SNCAIP: variants seen among roughly 807,000 people sequenced by gnomAD.
The protein encoded by SNCAIP is synphilin-1.
A neutral mutation model predicts 86.7 loss-of-function variants in SNCAIP; 43 were observed. The ratio of observed to expected loss-of-function variants is 0.50; its 90% CI spans 0.39 to 0.64. The LOEUF is 0.64. Among genes scored for constraint, SNCAIP ranks in the 30% least tolerant of loss-of-function variants. The pLI, the probability that SNCAIP is intolerant of heterozygous loss-of-function variation, is 0.00. For missense variants in SNCAIP, 981 were observed against 1,103.1 expected (o/e 0.89, Z 1.57); for synonymous variants, 417 against 427.2 (o/e 0.98, Z 0.29).
At chr5:122,342,831 G>T (rs750616782) in intron 1 of SNCAIP, among the ~76,000 whole-genome samples, 1 of 152,206 alleles carries the variant, frequency 6.6e-6, no homozygotes, top group Non-Finnish European at 1.5e-5. Context: ...CATGGTGACA[G>T]TGGGATAAGA....
chr5:122,384,321 G>T (rs1470847043), intron 1 of SNCAIP, among the ~76,000 whole-genome samples: 1 of 152,118 alleles, frequency 6.6e-6, no homozygotes, highest in Non-Finnish European at 1.5e-5. Context: ...ACAAATTATG[G>T]TGCATACCTT....
chr5:122,433,984 T>C (rs1302006832), intron 6 of SNCAIP, among the ~76,000 whole-genome samples: 3 of 152,182 alleles, frequency 2.0e-5, no homozygotes, highest in African/African-American at 7.2e-5. Context: ...CTATAGTGTA[T>C]TAAGTGCATT....
chr5:122,371,089 G>A (rs1013653457), intron 1 of SNCAIP, among the ~76,000 whole-genome samples: 8 of 152,058 alleles, frequency 5.3e-5, no homozygotes, highest in Non-Finnish European at 1.2e-4. Flanking sequence ...TGAGGCAGGA[G>A]GATCACTTGA....
At chr5:122,405,294 A>G (rs1772733586) in intron 3 of SNCAIP, among the ~76,000 whole-genome samples, 1 of 152,224 alleles carries the variant, frequency 6.6e-6, no homozygotes, top group South Asian at 2.1e-4. Context: ...TAGGATCAAA[A>G]TTAGGTGATG....
At chr5:122,336,336 A>G (rs553670861) in intron 1 of SNCAIP, among the ~76,000 whole-genome samples, 95 of 152,306 alleles carry the variant, frequency 6.2e-4, no homozygotes, top group African/African-American at 2.3e-3. Context: ...GCTAATAAAT[A>G]GAATCAGAGG....
chr5:122,409,592 A>G, intron 3 of SNCAIP, among the ~76,000 whole-genome samples: 1 of 152,268 alleles, frequency 6.6e-6, no homozygotes, highest in East Asian at 1.9e-4. Context: ...GTAAGGAAAC[A>G]GTACTTTTTA....
At chr5:122,408,690 CA>C (rs1464457843) in intron 3 of SNCAIP, among the ~76,000 whole-genome samples, 5 of 152,126 alleles carry the variant, frequency 3.3e-5, no homozygotes. Context: ...GGAGATGCCA[CA>C]AGGTGGGAAG....
chr5:122,435,459 G>T (rs190462648), intron 6 of SNCAIP, among the ~76,000 whole-genome samples: 1 of 152,242 alleles, frequency 6.6e-6, no homozygotes, highest in African/African-American at 2.4e-5. Flanking sequence ...GCTCTGCGCT[G>T]GTTATTAGTC....
chr5:122,381,875 TC>T (rs1766905511), intron 1 of SNCAIP, among the ~76,000 whole-genome samples: 1 of 152,172 alleles, frequency 6.6e-6, no homozygotes, highest in Non-Finnish European at 1.5e-5. Flanking sequence ...TGGCCCCCAC[TC>T]TCTTCTGGCT....
chr5:122,313,510 A>C (rs982234398), intron 1 of SNCAIP, among the ~76,000 whole-genome samples: 1 of 152,360 alleles, frequency 6.6e-6, no homozygotes, highest in Non-Finnish European at 1.5e-5. Flanking sequence ...GAAGGGAAAA[A>C]CCTATTTTTC....
intron 1 of SNCAIP, among the ~76,000 whole-genome samples, chr5:122,387,478 G>C (rs951110457): frequency 7.2e-5 from 11 of 152,172 alleles, no homozygotes; most frequent in African/African-American, 2.7e-4. Flanking sequence ...AAGCTGGCCT[G>C]CCCTTTCTGG....
intron 1 of SNCAIP, among the ~76,000 whole-genome samples, chr5:122,374,181 G>T (rs979872760): frequency 3.9e-5 from 6 of 152,138 alleles, no homozygotes; most frequent in African/African-American, 1.4e-4. Flanking sequence ...GTGACATCTG[G>T]ATTGGAGATG....
chr5:122,318,735 A>G (rs1045631210), intron 1 of SNCAIP, among the ~76,000 whole-genome samples: 3 of 152,198 alleles, frequency 2.0e-5, no homozygotes, highest in Admixed American at 1.3e-4. Flanking sequence ...GTCACTAATA[A>G]CAACCTTAAG....
chr5:122,401,009 G>A, intron 2 of SNCAIP: 1 of 1,550,190 alleles, frequency 6.5e-7, no homozygotes, highest in Non-Finnish European at 8.7e-7. Flanking sequence ...AAGGGAACAG[G>A]CTACAAAAGC....
intron 3 of SNCAIP, among the ~76,000 whole-genome samples, chr5:122,404,758 A>G (rs1342688909): frequency 6.6e-6 from 1 of 152,218 alleles, no homozygotes; most frequent in African/African-American, 2.4e-5. Context: ...CTAGAATTCT[A>G]GGCCTTTCTA....
chr5:122,422,754 C>G, intron 3 of SNCAIP, 114 bp from the exon 4 acceptor site: 1 of 840,900 alleles, frequency 1.2e-6, no homozygotes, highest in Non-Finnish European at 2.0e-6. Flanking sequence ...AAGTCATCCT[C>G]ACACACAGAA....
chr5:122,394,459 A>T (rs1770148294), intron 2 of SNCAIP, among the ~76,000 whole-genome samples: 1 of 152,204 alleles, frequency 6.6e-6, no homozygotes, highest in South Asian at 2.1e-4. Flanking sequence ...CAAAACACAA[A>T]GTTTAAACTA....
At chr5:122,431,244 A>G (rs1778352684) in intron 5 of SNCAIP, among the ~76,000 whole-genome samples, 1 of 152,100 alleles carries the variant, frequency 6.6e-6, no homozygotes, top group African/African-American at 2.4e-5. Context: ...TGACTCAGAA[A>G]TTTCGTTATT....
At chr5:122,449,008 T>C (rs1374381752) in intron 8 of SNCAIP, among the ~76,000 whole-genome samples, 2 of 150,218 alleles carry the variant, frequency 1.3e-5, no homozygotes, top group African/African-American at 4.9e-5. Context: ...AGAGCAAGAC[T>C]CCGACTCAAA....
Sources: allele counts gnomAD v4.1 joint callset (sites outside exome capture counted in the v4.1 genomes callset), GRCh38; gene constraint gnomAD v4.1.1; transcripts MANE v1.5; gene names NCBI Gene and HGNC (gene_info 2026-07-23, HGNC 2026-07-21).